The following PCDHA4 variants were observed in gnomAD, a reference collection of about 807,000 sequenced individuals.
The protein encoded by PCDHA4 is protocadherin alpha-4.
A neutral mutation model predicts 61.4 loss-of-function variants in PCDHA4; 49 were observed. The observed-to-expected ratio is 0.80, with a 90% CI of 0.63 to 1.01. PCDHA4 has a LOEUF of 1.01. Ranked by LOEUF, PCDHA4 falls within the 50% of genes least tolerant of loss-of-function variation. The probability of loss-of-function intolerance (pLI) is 0.00; values close to 1 mark genes in which losing one functional copy is unlikely to be tolerated. For missense variants in PCDHA4, 1,254 were observed against 1,235.8 expected (o/e 1.01, Z -0.22); for synonymous variants, 590 against 550.3 (o/e 1.07, Z -1.01).
chr5:140,930,803 T>C (rs1227085867), intron 1 of PCDHA4, among the ~76,000 whole-genome samples: 2 of 152,222 alleles, frequency 1.3e-5, no homozygotes, highest in Non-Finnish European at 2.9e-5. Context: ...ATCCAGCATA[T>C]AAGATATGCT....
intron 1 of PCDHA4, chr5:140,810,045 GT>G: frequency 6.5e-6 from 1 of 154,226 alleles, no homozygotes; most frequent in Non-Finnish European, 1.4e-5. Flanking sequence ...TTTTATAACT[GT>G]TTGTTCGGGG....
chr5:140,942,435 A>G (rs1258382123), intron 1 of PCDHA4, among the ~76,000 whole-genome samples: 2 of 152,114 alleles, frequency 1.3e-5, no homozygotes, highest in East Asian at 3.9e-4. Flanking sequence ...ATCTAACAAT[A>G]AACAAGTAAA....
chr5:140,858,256 G>C, intron 1 of PCDHA4: 1 of 1,596,658 alleles, frequency 6.3e-7, no homozygotes, highest in Non-Finnish European at 8.6e-7. Context: ...TGAAGCCCAC[G>C]CTGGTGTGCT....
chr5:140,829,881 T>C, intron 1 of PCDHA4: 1 of 1,613,934 alleles, frequency 6.2e-7, no homozygotes, highest in Non-Finnish European at 8.5e-7. Flanking sequence ...GTGCGCGCAG[T>C]TGACGCCGAC....
chr5:140,926,812 G>T (rs908940607), intron 1 of PCDHA4: 28 of 1,458,972 alleles, frequency 1.9e-5, no homozygotes, highest in African/African-American at 2.8e-5. Flanking sequence ...CCCGCGGCTC[G>T]TGCTCTCCAG....
intron 1 of PCDHA4, among the ~76,000 whole-genome samples, chr5:140,846,126 G>T (rs2150384899): frequency 6.7e-6 from 1 of 149,636 alleles, no homozygotes; most frequent in East Asian, 1.9e-4. Flanking sequence ...TTTGATAGTT[G>T]TATGTTTCCC....
chr5:140,960,575 A>G (rs990834964), intron 1 of PCDHA4, among the ~76,000 whole-genome samples: 4 of 152,186 alleles, frequency 2.6e-5, no homozygotes, highest in Non-Finnish European at 2.9e-5. Flanking sequence ...AAACAGTTGG[A>G]AAACAGTTCA....
Position 140,843,003 on chromosome 5 carries a change from A to G in PCDHA4, c.2385+33431A>G, listed in dbSNP as rs2150349772. 1.9e-6 allele frequency: 3 copies of G among 1,594,854 alleles called. No individual in the cohort carries two copies. The African/African-American group carries it at 4.0e-5, about 21-fold the overall frequency. On this transcript the variant is annotated intron_variant, in intron 1 of 3. Coordinates refer to ENST00000530339, the MANE Select transcript of PCDHA4 (RefSeq NM_018907.4). ...GTGTTCGTGCTGGACGAGAATGACAACGCGCCGGCACTGCTGGAGCCTCGG... is the reference window on the plus strand; with the variant it reads ...GTGTTCGTGCTGGACGAGAATGACAGCGCGCCGGCACTGCTGGAGCCTCGG...
At chr5:140,835,184 A>G in intron 1 of PCDHA4, 2 of 1,525,540 alleles carry the variant, frequency 1.3e-6, no homozygotes, top group Non-Finnish European at 1.8e-6. Flanking sequence ...CCAATGCCTC[A>G]GATTTAGACG....
At chr5:140,822,636 T>C (rs147180015) in intron 1 of PCDHA4, 177 of 1,610,778 alleles carry the variant, frequency 1.1e-4, no homozygotes, top group African/African-American at 4.4e-4. Flanking sequence ...TTCTTGACGA[T>C]GTAAAGTCCA....
chr5:140,948,240 T>C (rs1554218495), intron 1 of PCDHA4, among the ~76,000 whole-genome samples: 1 of 151,684 alleles, frequency 6.6e-6, no homozygotes, highest in East Asian at 1.9e-4. Flanking sequence ...TGTATTTTAG[T>C]AAATATTTTT....
intron 1 of PCDHA4, chr5:140,856,704 C>CAGT (rs2150363917): frequency 6.3e-7 from 1 of 1,596,654 alleles, no homozygotes; most frequent in East Asian, 2.2e-5. Flanking sequence ...GGAGGCAAAC[C>CAGT]TGAATTTACC....
intron 1 of PCDHA4, chr5:140,871,141 C>G: frequency 6.2e-7 from 1 of 1,613,438 alleles, no homozygotes; most frequent in Non-Finnish European, 8.5e-7. Context: ...GGCCTCTTCC[C>G]GGACTTTGGC....
chr5:140,986,011 T>A (rs1172713730), intron 3 of PCDHA4, among the ~76,000 whole-genome samples: 1 of 152,184 alleles, frequency 6.6e-6, no homozygotes, highest in Non-Finnish European at 1.5e-5. Flanking sequence ...AGTGCTGGGA[T>A]TACAGGCGTG....
intron 1 of PCDHA4, chr5:140,843,642 C>G (rs1352929745): frequency 1.9e-6 from 3 of 1,595,362 alleles, no homozygotes; most frequent in Non-Finnish European, 2.6e-6. Context: ...GCCTTCAGCC[C>G]CTGCCTTCCT....
At chr5:140,875,339 T>C in intron 1 of PCDHA4, 2 of 1,441,270 alleles carry the variant, frequency 1.4e-6, no homozygotes, top group Non-Finnish European at 1.8e-6. Flanking sequence ...TAGGATCGAC[T>C]CCATAATGAC....
chr5:140,945,620 C>T (rs1451535910), intron 1 of PCDHA4, among the ~76,000 whole-genome samples: 2 of 152,092 alleles, frequency 1.3e-5, no homozygotes, highest in African/African-American at 4.8e-5. Context: ...CAGCATGGTA[C>T]TGGCATAAAA....
At chr5:140,867,903 A>C (rs1010800579) in intron 1 of PCDHA4, 1 of 152,144 alleles carries the variant, frequency 6.6e-6, no homozygotes, top group Non-Finnish European at 1.5e-5. Flanking sequence ...TACTTACAGA[A>C]GGTATAATTA....
chr5:140,885,385 T>C (rs2060578484), intron 1 of PCDHA4, among the ~76,000 whole-genome samples: 1 of 152,194 alleles, frequency 6.6e-6, no homozygotes, highest in South Asian at 2.1e-4. Flanking sequence ...TGGCAGTCCC[T>C]GCAAATCTAA....
Sources: gnomAD v4.1 joint callset for allele counts (sites outside exome capture counted in the v4.1 genomes callset) on GRCh38, gnomAD v4.1.1 for gene constraint, MANE v1.5 for transcripts, NCBI Gene and HGNC (gene_info 2026-07-23, HGNC 2026-07-21) for gene names.